TMOD1: variants seen among roughly 807,000 people sequenced by gnomAD.
TMOD1 encodes tropomodulin 1.
A neutral mutation model predicts 40.6 loss-of-function variants in TMOD1; 17 were observed. The observed-to-expected ratio is 0.42, with a 90% CI of 0.29 to 0.63. The LOEUF is 0.63. Ranked by LOEUF, TMOD1 falls within the 20% of genes least tolerant of loss-of-function variation. TMOD1 has a pLI of 0.22. For missense variants in TMOD1, 391 were observed against 447.6 expected (o/e 0.87, Z 1.14); for synonymous variants, 181 against 175.0 (o/e 1.03, Z -0.27).
chr9:97,536,973 G>T (rs1169167418), intron 2 of TMOD1, among the ~76,000 whole-genome samples: 1 of 152,226 alleles, frequency 6.6e-6, no homozygotes, highest in Non-Finnish European at 1.5e-5. Flanking sequence ...TTTTATGCAT[G>T]GTGAGCCACC....
chr9:97,553,702 G>A (rs565391805), intron 4 of TMOD1, among the ~76,000 whole-genome samples: 20 of 152,130 alleles, frequency 1.3e-4, no homozygotes, highest in Non-Finnish European at 2.1e-4. Flanking sequence ...CATTAGCGTT[G>A]AATCCTGCCC....
At chr9:97,509,409 A>T (rs965016601) in intron 1 of TMOD1, among the ~76,000 whole-genome samples, 1 of 151,662 alleles carries the variant, frequency 6.6e-6, no homozygotes, top group Non-Finnish European at 1.5e-5. Flanking sequence ...TGTTAATAGT[A>T]GTCTGTTGTA....
chr9:97,522,377 C>T (rs752160457), intron 1 of TMOD1, among the ~76,000 whole-genome samples: 4 of 152,026 alleles, frequency 2.6e-5, no homozygotes, highest in Non-Finnish European at 4.4e-5. Context: ...TTATAAGGAT[C>T]CCAGGTAAAA....
chr9:97,546,381 T>A (rs770379225), intron 3 of TMOD1, 40 bp downstream of exon 3: 2 of 1,595,882 alleles, frequency 1.3e-6, no homozygotes, highest in Non-Finnish European at 1.7e-6. Context: ...CCACTCCCCA[T>A]GCACCATTGA....
chr9:97,587,082 A>G (rs1192961381), intron 8 of TMOD1, among the ~76,000 whole-genome samples: 2 of 152,104 alleles, frequency 1.3e-5, no homozygotes, highest in African/African-American at 2.4e-5. Context: ...GCATGTACCA[A>G]TCGTTTGCTC....
intron 1 of TMOD1, among the ~76,000 whole-genome samples, chr9:97,508,360 T>C (rs1277880407): frequency 6.6e-6 from 1 of 152,046 alleles, no homozygotes; most frequent in Non-Finnish European, 1.5e-5. Flanking sequence ...GGCAAATTTT[T>C]GTATTTTTTA....
At position 97,502,737 on chromosome 9, in the gene TMOD1, C is replaced by T. The variant is rs1199247326; in HGVS notation, c.-49+934C>T. Reference sequence around the variant, plus strand: ...ACTAAGGCCGTCGGATATCCTAAGCCGTACAACCCTAGGAAGTGCACTTTT... The same window carrying T: ...ACTAAGGCCGTCGGATATCCTAAGCTGTACAACCCTAGGAAGTGCACTTTT... On this transcript the variant is annotated intron_variant, in intron 1 of 9. Coordinates refer to ENST00000259365, the MANE Select transcript of TMOD1 (RefSeq NM_003275.4). This position sits in a 1 kb window ranked among gnomAD's most constrained non-coding sequence, Gnocchi z 6.1. Among the ~76,000 whole-genome samples, 3 of 152,168 alleles carry T rather than the reference C, an allele frequency of 2.0e-5. No homozygotes were observed. The highest frequency in any genetic ancestry group is 2.9e-5 in the Non-Finnish European group (2 of 68,026).
intron 2 of TMOD1, among the ~76,000 whole-genome samples, chr9:97,526,340 A>C (rs1386057954): frequency 2.0e-5 from 3 of 152,162 alleles, no homozygotes; most frequent in Non-Finnish European, 2.9e-5. Context: ...CACAGTGTCA[A>C]GAGTCAAAAG....
At chr9:97,521,001 A>G (rs1382628509) in intron 1 of TMOD1, among the ~76,000 whole-genome samples, 1 of 152,180 alleles carries the variant, frequency 6.6e-6, no homozygotes, top group Admixed American at 6.5e-5. Flanking sequence ...ACTATAAAGC[A>G]TCTAGAAAAT....
At chr9:97,514,591 C>T (rs1829769604) in intron 1 of TMOD1, among the ~76,000 whole-genome samples, 1 of 152,162 alleles carries the variant, frequency 6.6e-6, no homozygotes, top group Non-Finnish European at 1.5e-5. Flanking sequence ...CCTCTGGTTC[C>T]ATTCAGCCTC....
chr9:97,516,616 G>A (rs1829813740), intron 1 of TMOD1: 1 of 152,430 alleles, frequency 6.6e-6, no homozygotes, highest in Non-Finnish European at 1.5e-5. Flanking sequence ...GAGAACTGAG[G>A]CAGGGGACTA....
At chr9:97,514,442 G>C (rs1408272889) in intron 1 of TMOD1, among the ~76,000 whole-genome samples, 1 of 151,976 alleles carries the variant, frequency 6.6e-6, no homozygotes, top group Non-Finnish European at 1.5e-5. Context: ...TTTTATCTTT[G>C]AATTTATATT....
In TMOD1 at chr9:97,601,346, GATGACCTCAGTAAGA is replaced by G; in HGVS notation, c.*1652_*1666del. ...CTGGGCAGCCACCATGGCAGTGCTG[GATGACCTCAGTAAGA>G]ATGTGTCATGTATTCCAGGTGCTGA... On this transcript the variant is annotated 3_prime_UTR_variant, in exon 10 of 10. Transcript: ENST00000259365. 2 of 1,139,296 alleles carry G rather than the reference GATGACCTCAGTAAGA, an allele frequency of 1.8e-6. No individual in the cohort carries two copies. Among genetic ancestry groups the G allele is most frequent in the Non-Finnish European group, 2.2e-6 (2 of 913,856 alleles). 70.6% of individuals were successfully genotyped at this position (1,139,296 alleles called of 1,614,324 possible).
intron 4 of TMOD1, among the ~76,000 whole-genome samples, chr9:97,554,630 G>A (rs914481674): frequency 6.6e-6 from 1 of 152,108 alleles, no homozygotes; most frequent in African/African-American, 2.4e-5. Context: ...GAGAACCAAA[G>A]GCCAAATCAA....
chr9:97,508,313 C>T (rs1387103961), intron 1 of TMOD1, among the ~76,000 whole-genome samples: 3 of 152,030 alleles, frequency 2.0e-5, no homozygotes, highest in Non-Finnish European at 4.4e-5. Context: ...CTCAGCCTCC[C>T]GAGTAGCTGG....
chr9:97,591,138 C>T (rs1296451305), intron 8 of TMOD1, among the ~76,000 whole-genome samples, 153 bp from the exon 9 acceptor site: 1 of 152,190 alleles, frequency 6.6e-6, no homozygotes, highest in Non-Finnish European at 1.5e-5. Context: ...GACCTTTCAA[C>T]TTCTCTAAAC....
chr9:97,564,260 G>A, intron 6 of TMOD1, 92 bp downstream of exon 6: 1 of 1,469,260 alleles, frequency 6.8e-7, no homozygotes, highest in Non-Finnish European at 9.1e-7. Flanking sequence ...TGGTTGTGCA[G>A]AGTAAACAGG....
chr9:97,549,595 AT>A (rs369661028), intron 3 of TMOD1, among the ~76,000 whole-genome samples: 36 of 152,178 alleles, frequency 2.4e-4, no homozygotes, highest in Middle Eastern at 3.4e-3. Context: ...GTTATGATAC[AT>A]TTTTTTCCCC....
At chr9:97,546,545 G>T (rs2131247622) in intron 3 of TMOD1, among the ~76,000 whole-genome samples, 1 of 152,258 alleles carries the variant, frequency 6.6e-6, no homozygotes, top group South Asian at 2.1e-4. Flanking sequence ...GGGGTAGACT[G>T]AGGAAAGACT....
Sources: gnomAD v4.1 joint callset for allele counts (sites outside exome capture counted in the v4.1 genomes callset) on GRCh38, gnomAD v4.1.1 for gene constraint, Gnocchi (gnomAD v3.1) non-coding constraint, MANE v1.5 for transcripts, NCBI Gene and HGNC (gene_info 2026-07-23, HGNC 2026-07-21) for gene names.